ZAN: variants seen among roughly 807,000 people sequenced by gnomAD.
ZAN encodes the protein zonadhesin (gene/pseudogene).
Under a neutral mutation model 286.2 loss-of-function variants are expected in ZAN, and 260 were observed. The ratio of observed to expected loss-of-function variants is 0.91; its 90% CI spans 0.82 to 1.01. The LOEUF (loss-of-function observed/expected upper bound fraction) is 1.01. Ranked by LOEUF, ZAN falls within the 50% of genes least tolerant of loss-of-function variation. ZAN has a pLI of 0.00. For missense variants in ZAN, 3,410 were observed against 3,639.2 expected, an observed-to-expected ratio of 0.94 and a Z score of 1.62; for synonymous variants, 1,368 against 1,417.5, an observed-to-expected ratio of 0.97 and a Z score of 0.79.
rs1218607536 is a variant in ZAN, at chr7:100,751,736, C to T, written c.1631C>T (p.Pro544Leu). 3 of 1,587,318 alleles carry T rather than the reference C, an allele frequency of 1.9e-6. No homozygotes were observed. The highest frequency in any genetic ancestry group is 1.7e-6 in the Non-Finnish European group (2 of 1,172,494). The change falls in exon 14 of 48, where the codon CCC becomes CTC. Residue 544 changes from proline (P) to leucine (L), a missense_variant. Physicochemically the swap from Pro to Leu is moderately conservative, Grantham distance 98. This residue lies in a region of ZAN where 872 missense variants were observed against 938.9 expected (regional missense o/e 0.93). Transcript: ENST00000613979. Reference protein sequence around the residue: ...CPVKVLPELPPVSPVSSTGPS... With the variant: ...CPVKVLPELPLVSPVSSTGPS... ...GTAAAAGTGCTACCAGAGCTTCCTC[C>T]CGTATCTCCAGTTTCTTCCACTGGC...
Position 100,797,412 on chromosome 7 carries a change from G to C in ZAN, c.8313G>C (p.Val2771=). Residue 2771 remains valine, a synonymous_variant, in exon 46 of 48, where the codon GTG becomes GTC. Transcript: ENST00000613979. ...TACTGGGACTGCTGGTGCCTGTGGT[G>C]GTCGTACTACTGGCCGTGACCAGAG... ...GVLLGLLVPV[V]VVLLAVTREC... is the part of the protein sequence containing the mutation. 6.2e-7 allele frequency: 1 copy of C among 1,613,894 alleles called. No individual in the cohort carries two copies. The highest frequency in any genetic ancestry group is 1.1e-5 in the South Asian group (1 of 91,080).
Position 100,767,085 on chromosome 7 carries a change from C to T in ZAN, c.4688C>T (p.Thr1563Ile), listed in dbSNP as rs1810028553. Residue 1563 changes from threonine (T) to isoleucine (I), a missense_variant, in exon 25 of 48, where the codon ACC (threonine) becomes ATC (isoleucine). Coordinates refer to ENST00000613979, the MANE Select transcript of ZAN (RefSeq NM_003386.3). ...FDGALHHFMG[T>I]CTYVLTRPCW... Reference sequence around the variant, plus strand: ...GGCGCCTTGCACCACTTCATGGGCACCTGCACCTATGTCCTGACCCGGCCT... The same window carrying T: ...GGCGCCTTGCACCACTTCATGGGCATCTGCACCTATGTCCTGACCCGGCCT... 1.2e-6 allele frequency: 2 copies of T among 1,613,966 alleles called. No homozygotes were observed. Among genetic ancestry groups the T allele is most frequent in the Non-Finnish European group, 1.7e-6 (2 of 1,179,884 alleles).
intron 11 of ZAN, among the ~76,000 whole-genome samples, chr7:100,749,586 G>A (rs1398316376): frequency 7.4e-5 from 11 of 148,778 alleles, no homozygotes; most frequent in Admixed American, 6.7e-4. Flanking sequence ...CTTGCAGTGA[G>A]CCGAGATCAC....
At chr7:100,768,359 C>T (rs1375377089) in intron 26 of ZAN, among the ~76,000 whole-genome samples, 3 of 152,152 alleles carry the variant, frequency 2.0e-5, no homozygotes, top group Non-Finnish European at 4.4e-5. Flanking sequence ...TTAATCCCAG[C>T]TATTTGGGAG....
intron 29 of ZAN, among the ~76,000 whole-genome samples, chr7:100,772,769 C>T (rs920940791): frequency 2.6e-5 from 4 of 151,406 alleles, no homozygotes; most frequent in Non-Finnish European, 2.9e-5. Flanking sequence ...TGCAGTGACC[C>T]AAGATCATGC....
intron 22 of ZAN, among the ~76,000 whole-genome samples, chr7:100,764,747 G>A (rs1809835938): frequency 6.7e-6 from 1 of 149,194 alleles, no homozygotes; most frequent in Non-Finnish European, 1.5e-5. Context: ...GTGTGGCAAC[G>A]GGCGCCTGTA....
chr7:100,735,906 C>T, intron 3 of ZAN, 134 bp downstream of exon 3: 1 of 702,984 alleles, frequency 1.4e-6, no homozygotes, highest in Admixed American at 2.9e-5. Flanking sequence ...GCCAGGACTA[C>T]AAAATGTGTC....
Position 100,791,024 on chromosome 7 carries a change from G to A in ZAN, c.7440G>A (p.Met2480Ile). The A allele has an allele frequency of 6.2e-7, 1 of 1,612,846 alleles. No homozygotes were observed. Reference protein sequence around the residue: ...NYDKNRKNDMMLPSGALTQNL... With the variant: ...NYDKNRKNDMILPSGALTQNL... Reference sequence around the variant, plus strand: ...ACAAGAACCGCAAGAATGACATGATGCTGCCCAGTGGCGCCCTGACCCAGA... The same window carrying A: ...ACAAGAACCGCAAGAATGACATGATACTGCCCAGTGGCGCCCTGACCCAGA... The change falls in exon 40 of 48, where the codon ATG becomes ATA. Residue 2480 changes from methionine to isoleucine, a missense_variant. Physicochemically the swap from Met to Ile is conservative, Grantham distance 10. Around this residue, in one of 7 missense-constraint regions of ZAN, gnomAD observed 1,289 missense variants for 1,314.3 expected, o/e 0.98. Coordinates refer to ENST00000613979, the MANE Select transcript of ZAN (RefSeq NM_003386.3).
chr7:100,736,754 G>C lies in ZAN; in HGVS notation c.254-55G>C, dbSNP rs943548416. ...CTGGGCTCTGAGAAGGGGATGGGTGGGGGCAGCCCTCAGAGGTGGCTGGGC... is the reference window on the plus strand; with the variant it reads ...CTGGGCTCTGAGAAGGGGATGGGTGCGGGCAGCCCTCAGAGGTGGCTGGGC... On this transcript the variant is annotated intron_variant, in intron 4 of 47. Coordinates refer to ENST00000613979, the MANE Select transcript of ZAN (RefSeq NM_003386.3). 5 of 1,456,356 alleles carry C rather than the reference G, an allele frequency of 3.4e-6. 1 individual carries two copies. In the South Asian group the frequency reaches 6.0e-5, roughly 18 times the overall value. 90.2% of individuals were successfully genotyped at this position (1,456,356 alleles called of 1,614,324 possible).
intron 33 of ZAN, among the ~76,000 whole-genome samples, chr7:100,776,179 G>A (rs773780572): frequency 6.6e-6 from 1 of 151,954 alleles, no homozygotes; most frequent in Non-Finnish European, 1.5e-5. Flanking sequence ...TTAGTTGGGG[G>A]TGGTGGTGCC....
At position 100,750,748 on chromosome 7, in the gene ZAN, G is replaced by A; in HGVS notation, c.1373G>A (p.Gly458Asp). Residue 458 changes from glycine (G) to aspartate (D), a missense_variant, in exon 12 of 48, where the codon GGC becomes GAC. Transcript: ENST00000613979. Reference protein sequence around the residue: ...ICVEFAYHMYGLGEGTMLELL... With the variant: ...ICVEFAYHMYDLGEGTMLELL... Reference sequence around the variant, plus strand: ...GTGGAGTTCGCATACCACATGTATGGCCTTGGGGAGGGTACTATGCTCGAA... The same window carrying A: ...GTGGAGTTCGCATACCACATGTATGACCTTGGGGAGGGTACTATGCTCGAA... 6.2e-7 allele frequency: 1 copy of A among 1,613,202 alleles called. No individual in the cohort carries two copies. Among genetic ancestry groups the A allele is most frequent in the South Asian group, 1.1e-5 (1 of 90,910 alleles).
In ZAN at chr7:100,767,863, G is replaced by T. The variant is rs1468823754; in HGVS notation, c.4893G>T (p.Trp1631Cys). 6 of 1,613,874 alleles carry T rather than the reference G, an allele frequency of 3.7e-6. No homozygotes were observed. The highest frequency in any genetic ancestry group is 5.1e-6 in the Non-Finnish European group (6 of 1,179,860). ...LNGHRVALPV[W>C]LAQGRVTIRL... ...GCCATCGGGTGGCCCTACCTGTGTGGCTTGCACAAGGCCGGGTGACCATAA... is the reference window on the plus strand; with the variant it reads ...GCCATCGGGTGGCCCTACCTGTGTGTCTTGCACAAGGCCGGGTGACCATAA... The change falls in exon 26 of 48, where the codon TGG becomes TGT. Residue 1631 changes from tryptophan to cysteine, a missense_variant. Physicochemically the swap from Trp to Cys is radical, Grantham distance 215. Coordinates refer to ENST00000613979, the MANE Select transcript of ZAN (RefSeq NM_003386.3).
Position 100,797,387 on chromosome 7 carries a change from T to C in ZAN, c.8288T>C (p.Leu2763Pro). 1 of 1,613,806 alleles carries C rather than the reference T, an allele frequency of 6.2e-7. No homozygotes were observed. Among genetic ancestry groups the C allele is most frequent in the Non-Finnish European group, 8.5e-7 (1 of 1,179,756 alleles). ...RKPASNLVGV[L>P]LGLLVPVVVV... ...GAAGCATCTAACCTGGTGGGCGTCC[T>C]ACTGGGACTGCTGGTGCCTGTGGTG... The change falls in exon 46 of 48, where the codon CTA (leucine) becomes CCA (proline). Residue 2763 changes from leucine (L) to proline (P), a missense_variant. By Grantham distance (98) the Leu-to-Pro change is moderately conservative. Transcript: ENST00000613979.
chr7:100,755,920 T>C (rs768572596), intron 15 of ZAN, among the ~76,000 whole-genome samples: 7 of 152,074 alleles, frequency 4.6e-5, no homozygotes, highest in Non-Finnish European at 1.0e-4. Context: ...AGGCAGAGTC[T>C]AGCTCTGTCA....
intron 45 of ZAN, among the ~76,000 whole-genome samples, chr7:100,796,275 C>G (rs1412039560): frequency 1.3e-5 from 2 of 152,092 alleles, no homozygotes; most frequent in Non-Finnish European, 2.9e-5. Flanking sequence ...CTATCCCAAA[C>G]TACAATTCCC....
chr7:100,779,904 A>C (rs1811091072), intron 35 of ZAN, among the ~76,000 whole-genome samples, 154 bp downstream of exon 35: 2 of 152,126 alleles, frequency 1.3e-5, no homozygotes, highest in South Asian at 4.1e-4. Context: ...TTTTATATAA[A>C]ATTTTTTTTG....
In ZAN at chr7:100,734,256, G is replaced by C. The variant is rs1288921768; in HGVS notation, c.53+35G>C. On this transcript the variant is annotated intron_variant, in intron 2 of 47. Coordinates refer to ENST00000613979, the MANE Select transcript of ZAN (RefSeq NM_003386.3). ...GCCCAGGGGGTAATGATAAACCAGG[G>C]TCAGCTGAGGGTGGCTGTAAGGAAT... 9.0e-6 allele frequency: 12 copies of C among 1,338,506 alleles called. 2 individuals are homozygous for C. Among genetic ancestry groups the C allele is most frequent in the Non-Finnish European group, 1.2e-5 (12 of 978,574 alleles). The allele number at this position is 1,338,506 out of a possible 1,614,324, so 82.9% of individuals were successfully genotyped here. A position where few individuals can be genotyped will look rare whatever the true frequency, so the allele number is the denominator to read the frequency against.
intron 25 of ZAN, among the ~76,000 whole-genome samples, chr7:100,767,467 G>GTTA (rs1810068123): frequency 1.3e-5 from 1 of 77,972 alleles, no homozygotes; most frequent in Non-Finnish European, 2.6e-5. Context: ...GTTTTTTGCC[G>GTTA]TTTTTTTTTT....
chr7:100,763,915 G>A lies in ZAN; in HGVS notation c.4096G>A (p.Glu1366Lys), dbSNP rs1386716868. The change falls in exon 21 of 48, where the codon GAG becomes AAG. Residue 1366 changes from glutamate (E) to lysine (K), a missense_variant and splice_region_variant. By Grantham distance (56) the Glu-to-Lys change is moderately conservative. Around this residue, in one of 7 missense-constraint regions of ZAN, gnomAD observed 1,042 missense variants for 1,058.0 expected, o/e 0.98. Coordinates refer to ENST00000613979, the MANE Select transcript of ZAN (RefSeq NM_003386.3). This position sits in a 1 kb window ranked among gnomAD's most constrained non-coding sequence, Gnocchi z 4.6. ...GCTGGTCGACACTCATGGCCCATTT[G>A]AGTATGAAGGAGGGCAGGCAGGGTC... The part of the protein sequence containing the change: ...GRLVDTHGPF[E>K]TCLLHVKAAS... 4.3e-6 allele frequency: 7 copies of A among 1,613,874 alleles called. No individual in the cohort carries two copies. In the South Asian group the frequency reaches 6.6e-5, roughly 15 times the overall value.
Sources: allele counts gnomAD v4.1 joint callset (sites outside exome capture counted in the v4.1 genomes callset), GRCh38; gene constraint gnomAD v4.1.1; regional missense constraint gnomAD v4.1.1; non-coding constraint Gnocchi (gnomAD v3.1); transcripts MANE v1.5; gene names NCBI Gene and HGNC (gene_info 2026-07-23, HGNC 2026-07-21).